The following GABPB1 variants were observed in gnomAD, a reference collection of about 807,000 sequenced individuals.
GABPB1 encodes GA binding protein transcription factor subunit beta 1, also known as GA-binding protein subunit beta-1.
Under a neutral mutation model 45.9 loss-of-function variants are expected in GABPB1, and 15 were observed. That is an observed-to-expected ratio of 0.33 (90% CI 0.22 to 0.50). The LOEUF is 0.50. Among genes scored for constraint, GABPB1 ranks in the 20% least tolerant of loss-of-function variants. The pLI is 0.98. For synonymous variants in GABPB1, 143 were observed against 154.4 expected (o/e 0.93, Z 0.55); for missense variants, 252 against 457.5 (o/e 0.55, Z 4.10).
chr15:50,286,253 A>T (rs2046149033), intron 7 of GABPB1, 70 bp from the exon 8 acceptor site: 4 of 1,086,550 alleles, frequency 3.7e-6, no homozygotes, highest in African/African-American at 1.6e-5. Flanking sequence ...ACTAGTCTTG[A>T]CATTGTTGAT....
chr15:50,328,926 G>T (rs1354867673), intron 1 of GABPB1, among the ~76,000 whole-genome samples: 1 of 152,120 alleles, frequency 6.6e-6, no homozygotes, highest in African/African-American at 2.4e-5. Context: ...TCAGAGTAAA[G>T]AATAATAGCC....
intron 6 of GABPB1, among the ~76,000 whole-genome samples, chr15:50,300,521 C>A (rs1346402103): frequency 2.1e-5 from 3 of 144,184 alleles, no homozygotes; most frequent in South Asian, 2.2e-4. Context: ...CAGCTCACTG[C>A]AGCCTTCACC....
intron 1 of GABPB1, among the ~76,000 whole-genome samples, chr15:50,313,470 C>A (rs2047201509): frequency 1.3e-5 from 2 of 151,982 alleles, no homozygotes; most frequent in South Asian, 4.1e-4. Flanking sequence ...AGTCCATTGA[C>A]CCAATAAGTG....
intron 2 of GABPB1, among the ~76,000 whole-genome samples, chr15:50,308,909 C>CAG: frequency 6.6e-6 from 1 of 151,916 alleles, no homozygotes; most frequent in East Asian, 1.9e-4. Flanking sequence ...ATACAGTAGA[C>CAG]AGAGTTATAG....
chr15:50,294,618 A>C (rs977857043), intron 6 of GABPB1, among the ~76,000 whole-genome samples: 2 of 152,222 alleles, frequency 1.3e-5, no homozygotes, highest in Non-Finnish European at 2.9e-5. Context: ...TTAAAAACAA[A>C]AAAGCAAAAA....
chr15:50,306,815 A>G (rs991927046), intron 2 of GABPB1, among the ~76,000 whole-genome samples: 1 of 151,944 alleles, frequency 6.6e-6, no homozygotes, highest in Non-Finnish European at 1.5e-5. Context: ...ATTATACTGC[A>G]TGTATTTCTC....
intron 1 of GABPB1, among the ~76,000 whole-genome samples, chr15:50,325,405 T>C (rs2047716299): frequency 1.3e-5 from 2 of 151,894 alleles, no homozygotes; most frequent in Admixed American, 1.3e-4. Flanking sequence ...CGTCACTCCC[T>C]GTCTGGTTCT....
At chr15:50,340,294 T>C (rs1372813321) in intron 1 of GABPB1, among the ~76,000 whole-genome samples, 1 of 152,202 alleles carries the variant, frequency 6.6e-6, no homozygotes, top group African/African-American at 2.4e-5. Context: ...TTATATTTTG[T>C]TATAGTACCC....
chr15:50,327,250 A>G (rs2141115182), intron 1 of GABPB1: 1 of 152,300 alleles, frequency 6.6e-6, no homozygotes, highest in East Asian at 1.9e-4. Flanking sequence ...ACAAAAATGA[A>G]CCATCAATAT....
intron 2 of GABPB1, among the ~76,000 whole-genome samples, chr15:50,305,979 T>TA (rs1417839759): frequency 2.6e-5 from 4 of 151,514 alleles, no homozygotes; most frequent in Non-Finnish European, 5.9e-5. Flanking sequence ...GGTTTTTTTT[T>TA]ATTCATTTTT....
chr15:50,299,863 C>G (rs2046665534), intron 6 of GABPB1, among the ~76,000 whole-genome samples: 1 of 151,870 alleles, frequency 6.6e-6, no homozygotes, highest in South Asian at 2.1e-4. Context: ...GTCGCCTAGG[C>G]TGGAATGCAG....
At chr15:50,354,092 A>T (rs892945396) in intron 1 of GABPB1, 10 of 293,754 alleles carry the variant, frequency 3.4e-5, no homozygotes, top group African/African-American at 2.4e-4. Context: ...CTTTGGTTTC[A>T]GTTTTCACGA....
At chr15:50,334,094 C>T (rs117846573) in intron 1 of GABPB1, among the ~76,000 whole-genome samples, 2,652 of 151,702 alleles carry the variant, frequency 0.017, 42 homozygotes, top group Middle Eastern at 0.034. Context: ...AATTCTTGCT[C>T]GTTTGATGGT....
intron 8 of GABPB1, among the ~76,000 whole-genome samples, chr15:50,282,813 G>C (rs1260480037): frequency 1.3e-5 from 2 of 152,192 alleles, no homozygotes; most frequent in East Asian, 3.9e-4. Context: ...CCAGCACTCT[G>C]GGGGGCTGAA....
intron 1 of GABPB1, chr15:50,349,980 T>A (rs1422083003): frequency 6.6e-6 from 1 of 152,148 alleles, no homozygotes; most frequent in African/African-American, 2.4e-5. Flanking sequence ...TTTACCAAAA[T>A]GGAATCATGT....
intron 1 of GABPB1, among the ~76,000 whole-genome samples, chr15:50,330,351 T>C (rs1699172090): frequency 6.6e-6 from 1 of 152,186 alleles, no homozygotes; most frequent in Admixed American, 6.6e-5. Flanking sequence ...CTCGGCTATG[T>C]GAAAATACCA....
chr15:50,307,651 G>A (rs1246478327), intron 2 of GABPB1, among the ~76,000 whole-genome samples: 2 of 148,842 alleles, frequency 1.3e-5, no homozygotes, highest in Non-Finnish European at 1.5e-5. Flanking sequence ...GCAGTGAGCC[G>A]AGACTGAACC....
intron 8 of GABPB1, among the ~76,000 whole-genome samples, chr15:50,280,616 T>A (rs1207244523): frequency 6.6e-6 from 1 of 152,022 alleles, no homozygotes; most frequent in Admixed American, 6.6e-5. Flanking sequence ...CATGGTGGTA[T>A]GCGCCTGTAG....
intron 6 of GABPB1, among the ~76,000 whole-genome samples, chr15:50,295,458 T>A (rs1187868288): frequency 6.6e-6 from 1 of 152,162 alleles, no homozygotes; most frequent in Non-Finnish European, 1.5e-5. Flanking sequence ...TACTTTAATT[T>A]TCAGTTTAAA....
Sources: gnomAD v4.1 joint callset for allele counts (sites outside exome capture counted in the v4.1 genomes callset) on GRCh38, gnomAD v4.1.1 for gene constraint, MANE v1.5 for transcripts, NCBI Gene and HGNC (gene_info 2026-07-23, HGNC 2026-07-21) for gene names.